CDK6: variants seen among roughly 807,000 people sequenced by gnomAD.
CDK6 encodes cyclin-dependent kinase 6.
Under a neutral mutation model 37.1 loss-of-function variants are expected in CDK6, and 6 were observed. The ratio of observed to expected loss-of-function variants is 0.16; its 90% confidence interval spans 0.09 to 0.32. The LOEUF is 0.32. Among genes scored for constraint, CDK6 ranks in the 10% least tolerant of loss-of-function variants. The pLI is 1.00. For missense variants in CDK6, 224 were observed against 418.9 expected, an observed-to-expected ratio of 0.53 and a Z score of 4.06; for synonymous variants, 160 against 161.3, an observed-to-expected ratio of 0.99 and a Z score of 0.06.
At position 92,605,591 on chromosome 7, in the gene CDK6, C is replaced by G. The variant is rs1795408273; in HGVS notation, c.*9549G>C. The G allele has an allele frequency of 4.3e-6, 1 of 233,108 alleles. No homozygotes were observed. Among genetic ancestry groups the G allele is most frequent in the Non-Finnish European group, 8.5e-6 (1 of 118,010 alleles). 14.4% of individuals were successfully genotyped at this position (233,108 alleles called of 1,614,324 possible). ...AAACTGGCTATATTTTCATCTGCCTCTTGGGAAAGGAGCAAGAGCATTCAG... is the reference window on the plus strand; with the variant it reads ...AAACTGGCTATATTTTCATCTGCCTGTTGGGAAAGGAGCAAGAGCATTCAG... On this transcript the variant is annotated 3_prime_UTR_variant, in exon 8 of 8. Transcript: ENST00000424848.
intron 2 of CDK6, among the ~76,000 whole-genome samples, chr7:92,795,843 G>T (rs896621481): frequency 2.0e-5 from 3 of 151,974 alleles, no homozygotes; most frequent in Admixed American, 1.3e-4. Context: ...TTTATACAAA[G>T]GTTTGATCTA....
chr7:92,677,676 C>T (rs1269223852), intron 4 of CDK6, among the ~76,000 whole-genome samples: 2 of 152,086 alleles, frequency 1.3e-5, no homozygotes, highest in Admixed American at 1.3e-4. Context: ...ATAGTTGTTT[C>T]CTGGTTTATG....
intron 5 of CDK6, among the ~76,000 whole-genome samples, chr7:92,664,942 C>T (rs879571563): frequency 1.3e-5 from 2 of 152,006 alleles, no homozygotes; most frequent in East Asian, 3.9e-4. Flanking sequence ...CATGCCACCA[C>T]GCTCAGCTAA....
intron 2 of CDK6, among the ~76,000 whole-genome samples, chr7:92,789,564 A>G (rs966657254): frequency 2.0e-5 from 3 of 152,228 alleles, no homozygotes; most frequent in Non-Finnish European, 2.9e-5. Flanking sequence ...TAAAGCTGAA[A>G]TAGTATCAAC....
rs1315813882 is a variant in CDK6 at position 92,615,531 on chromosome 7, T to C, written c.835-245A>G. On this transcript the variant is annotated intron_variant, in intron 7 of 7. Transcript: ENST00000424848. ...CTGTTTCCTGCCCAGGATTTCTCAC[T>C]AAGCCATTAAAGTATGCATATAACT... Among the ~76,000 whole-genome samples the C allele has an allele frequency of 2.0e-5, 3 of 152,348 alleles. No homozygotes were observed. The South Asian group carries it at 6.2e-4, about 32-fold the overall frequency.
intron 4 of CDK6, among the ~76,000 whole-genome samples, chr7:92,703,467 G>C (rs1797900523): frequency 6.6e-6 from 1 of 152,014 alleles, no homozygotes; most frequent in South Asian, 2.1e-4. Flanking sequence ...TCTCAAGATA[G>C]GTAAAAATAC....
intron 2 of CDK6, among the ~76,000 whole-genome samples, chr7:92,823,096 G>GAA (rs527278707): frequency 2.3e-5 from 3 of 129,240 alleles, no homozygotes; most frequent in African/African-American, 2.8e-5. Context: ...CAACTAAAGT[G>GAA]AAAAAAAAAA....
intron 2 of CDK6, among the ~76,000 whole-genome samples, chr7:92,829,108 T>C (rs1801410557): frequency 1.3e-5 from 2 of 152,178 alleles, no homozygotes; most frequent in Non-Finnish European, 2.9e-5. Flanking sequence ...GTCATGTTTC[T>C]TTTACCCTGT....
chr7:92,729,400 C>G (rs1265358956), intron 3 of CDK6, among the ~76,000 whole-genome samples: 1 of 152,166 alleles, frequency 6.6e-6, no homozygotes, highest in Non-Finnish European at 1.5e-5. Flanking sequence ...TTATACGGCA[C>G]AGTCTGGTAT....
intron 4 of CDK6, among the ~76,000 whole-genome samples, chr7:92,672,174 C>CACACACACACAT (rs1797092783): frequency 9.5e-6 from 1 of 104,952 alleles, no homozygotes; most frequent in African/African-American, 3.8e-5. Context: ...CATACACACA[C>CACACACACACAT]ACACACACAG....
At chr7:92,724,290 C>T (rs955543962) in intron 4 of CDK6, among the ~76,000 whole-genome samples, 2 of 152,136 alleles carry the variant, frequency 1.3e-5, no homozygotes, top group African/African-American at 2.4e-5. Context: ...AACATCAACT[C>T]GTGCCATTTC....
chr7:92,783,044 C>T (rs1025856150), intron 2 of CDK6, among the ~76,000 whole-genome samples: 1 of 152,094 alleles, frequency 6.6e-6, no homozygotes, highest in Non-Finnish European at 1.5e-5. Flanking sequence ...AGCAGAGAAC[C>T]AGATCAATCC....
chr7:92,794,231 T>G (rs1488841745), intron 2 of CDK6, among the ~76,000 whole-genome samples: 2 of 152,200 alleles, frequency 1.3e-5, no homozygotes, highest in African/African-American at 2.4e-5. Flanking sequence ...CTAATAATTT[T>G]GTTTTATGTA....
At chr7:92,712,720 C>G (rs751013303) in intron 4 of CDK6, among the ~76,000 whole-genome samples, 6 of 152,272 alleles carry the variant, frequency 3.9e-5, no homozygotes, top group Admixed American at 2.0e-4. Flanking sequence ...TCAATCTTGT[C>G]AAAATCTTAA....
rs1259672739 is a variant in CDK6 at position 92,609,823 on chromosome 7, CTGAA to C, written c.*5313_*5316del. On this transcript the variant is annotated 3_prime_UTR_variant, in exon 8 of 8. Coordinates refer to ENST00000424848, the MANE Select transcript of CDK6 (RefSeq NM_001145306.2). ...GGGTACTTCAAAAATTTTTTCTTGA[CTGAA>C]TGAATGACTAGGCTTTCTTTACTTA... 4 of 230,474 alleles carry C rather than the reference CTGAA, an allele frequency of 1.7e-5. No homozygotes were observed. Among genetic ancestry groups the C allele is most frequent in the Non-Finnish European group, 3.4e-5 (4 of 116,490 alleles). The allele number at this position is 230,474 out of a possible 1,614,324, so 14.3% of individuals were successfully genotyped here. A position where few individuals can be genotyped will look rare whatever the true frequency, so the allele number is the denominator to read the frequency against.
At chr7:92,777,258 A>G (rs189908707) in intron 2 of CDK6, among the ~76,000 whole-genome samples, 1 of 151,266 alleles carries the variant, frequency 6.6e-6, no homozygotes, top group Non-Finnish European at 1.5e-5. Context: ...TTTGTGAAGG[A>G]GTTTCGCTCT....
In CDK6 at chr7:92,696,489, A is replaced by G. The variant is rs139480951; in HGVS notation, c.538-24954T>C. 7.2e-4 allele frequency among the ~76,000 whole-genome samples: 109 copies of G among 152,300 alleles called. 1 individual carries two copies. Among genetic ancestry groups the G allele is most frequent in the East Asian group, 9.6e-4 (5 of 5,190 alleles). On this transcript the variant is annotated intron_variant, in intron 4 of 7. Coordinates refer to ENST00000424848, the MANE Select transcript of CDK6 (RefSeq NM_001145306.2). ...CTTACCATATATGTGTATTTTTTTA[A>G]TAGTCTTTACTAAGTTACTCAAATG...
At chr7:92,644,237 A>C (rs1030330913) in intron 5 of CDK6, among the ~76,000 whole-genome samples, 1 of 152,186 alleles carries the variant, frequency 6.6e-6, no homozygotes, top group Non-Finnish European at 1.5e-5. Context: ...TAAGGCAGGA[A>C]GGGGAGACCT....
chr7:92,829,370 T>C (rs1230587923), intron 2 of CDK6, among the ~76,000 whole-genome samples: 1 of 152,250 alleles, frequency 6.6e-6, no homozygotes, highest in Non-Finnish European at 1.5e-5. Flanking sequence ...TGAATTTGAA[T>C]TGCTTTTACT....
Sources: allele counts gnomAD v4.1 joint callset (sites outside exome capture counted in the v4.1 genomes callset), GRCh38; gene constraint gnomAD v4.1.1; transcripts MANE v1.5; gene names NCBI Gene and HGNC (gene_info 2026-07-23, HGNC 2026-07-21).